Variants in ATF6 observed in about 807,000 individuals in gnomAD.
ATF6 encodes the protein cyclic AMP-dependent transcription factor ATF-6 alpha.
Under a neutral mutation model 83.6 loss-of-function variants are expected in ATF6, and 53 were observed. The observed-to-expected ratio is 0.63, with a 90% CI of 0.51 to 0.80. The LOEUF (loss-of-function observed/expected upper bound fraction) is 0.80, where lower values mean the gene tolerates loss of function less well. ATF6 is among the 30% of genes least tolerant of loss of function. The pLI is 0.00. For synonymous variants in ATF6, 288 were observed against 285.8 expected, an observed-to-expected ratio of 1.01 and a Z score of -0.08; for missense variants, 744 against 797.9, an observed-to-expected ratio of 0.93 and a Z score of 0.81.
In ATF6 at chr1:161,959,194, A is replaced by G. The variant is rs1689029236; in HGVS notation, c.*540A>G. On this transcript the variant is annotated 3_prime_UTR_variant, in exon 16 of 16. Transcript: ENST00000367942. ...CAGAAAAGCCAAAAACACTCCAAAA[A>G]CAAGCAAAACAATTTGGAGCTTTAG... The G allele has an allele frequency of 6.6e-6, 1 of 152,326 alleles. No individual in the cohort carries two copies. The highest frequency in any genetic ancestry group is 1.5e-5 in the Non-Finnish European group (1 of 68,056). The allele number at this position is 152,326 out of a possible 1,614,324, so 9.4% of individuals were successfully genotyped here.
chr1:161,963,296 G>A lies in ATF6; in HGVS notation c.*4642G>A, dbSNP rs1689139773. 6.6e-6 allele frequency: 1 copy of A among 152,206 alleles called. No homozygotes were observed. The highest frequency in any genetic ancestry group is 6.5e-5 in the Admixed American group (1 of 15,284). 9.4% of individuals were successfully genotyped at this position (152,206 alleles called of 1,614,324 possible). On this transcript the variant is annotated 3_prime_UTR_variant, in exon 16 of 16. Coordinates refer to ENST00000367942, the MANE Select transcript of ATF6 (RefSeq NM_007348.4). ...AATATGTGTGTTATTAGATGCAATA[G>A]AATTTATGAAAAGAAGAATGACAAA...
intron 12 of ATF6, among the ~76,000 whole-genome samples, chr1:161,858,343 TA>T (rs1356272106): frequency 6.6e-6 from 1 of 152,066 alleles, no homozygotes; most frequent in Non-Finnish European, 1.5e-5. Flanking sequence ...TAGATTTTTT[TA>T]AAAAGGAAAG....
intron 15 of ATF6, among the ~76,000 whole-genome samples, chr1:161,956,145 G>T (rs184222182): frequency 6.6e-6 from 1 of 152,268 alleles, no homozygotes; most frequent in East Asian, 1.9e-4. Context: ...GGTGGTTTGG[G>T]CTGTATTAGA....
At chr1:161,945,601 C>T (rs1283896005) in intron 15 of ATF6, among the ~76,000 whole-genome samples, 1 of 152,182 alleles carries the variant, frequency 6.6e-6, no homozygotes, top group Non-Finnish European at 1.5e-5. Context: ...TCTTTTTCAA[C>T]AAAACTACAA....
At chr1:161,863,787 CTCT>C (rs1274585940) in intron 14 of ATF6, among the ~76,000 whole-genome samples, 2 of 152,118 alleles carry the variant, frequency 1.3e-5, no homozygotes, top group African/African-American at 4.8e-5. Flanking sequence ...CCTCTTTTAT[CTCT>C]TCTTAATTAA....
At chr1:161,817,201 A>G (rs1685632985) in intron 7 of ATF6, among the ~76,000 whole-genome samples, 1 of 152,222 alleles carries the variant, frequency 6.6e-6, no homozygotes, top group Admixed American at 6.5e-5. Flanking sequence ...CCTTGTTTGA[A>G]ATTTATTAAA....
intron 14 of ATF6, among the ~76,000 whole-genome samples, chr1:161,894,851 A>C (rs1238028896): frequency 6.6e-6 from 1 of 150,746 alleles, no homozygotes; most frequent in African/African-American, 2.4e-5. Flanking sequence ...TGCCTGTCCT[A>C]TTTTGTAGTC....
At chr1:161,792,709 T>G (rs1315027981) in intron 6 of ATF6, among the ~76,000 whole-genome samples, 1 of 152,180 alleles carries the variant, frequency 6.6e-6, no homozygotes, top group Non-Finnish European at 1.5e-5. Flanking sequence ...ATTTCAGGTG[T>G]GTTATAGCAA....
At chr1:161,820,472 G>C (rs1388793646) in intron 8 of ATF6, among the ~76,000 whole-genome samples, 2 of 152,190 alleles carry the variant, frequency 1.3e-5, no homozygotes, top group Admixed American at 1.3e-4. Flanking sequence ...TTGAATTCTG[G>C]TCGGGCGTGG....
intron 14 of ATF6, among the ~76,000 whole-genome samples, chr1:161,887,809 G>A (rs568589930): frequency 6.6e-6 from 1 of 152,258 alleles, no homozygotes; most frequent in South Asian, 2.1e-4. Context: ...AAGAAGAGTG[G>A]TGTGTCAGTT....
At chr1:161,890,133 A>G (rs1409753806) in intron 14 of ATF6, among the ~76,000 whole-genome samples, 1 of 152,264 alleles carries the variant, frequency 6.6e-6, no homozygotes, top group East Asian at 1.9e-4. Context: ...ATTCACCTCC[A>G]TAACCACAAT....
chr1:161,920,292 C>T (rs1305242774), intron 15 of ATF6, among the ~76,000 whole-genome samples: 41 of 19,788 alleles, frequency 2.1e-3, no homozygotes, highest in African/African-American at 3.8e-3. Flanking sequence ...CTCTCTCTCT[C>T]TCTTTTTTTT....
In ATF6 at chr1:161,963,008, A is replaced by C. The variant is rs1342119631; in HGVS notation, c.*4354A>C. ...TGAAATATAAGAAATGTTCGTTCCC[A>C]CCCCTAATAACATTTGGAAGTGAAT... On this transcript the variant is annotated 3_prime_UTR_variant, in exon 16 of 16. Coordinates refer to ENST00000367942, the MANE Select transcript of ATF6 (RefSeq NM_007348.4). 6.6e-6 allele frequency: 1 copy of C among 152,274 alleles called. No individual in the cohort carries two copies. Among genetic ancestry groups the C allele is most frequent in the Non-Finnish European group, 1.5e-5 (1 of 68,012 alleles). 9.4% of individuals were successfully genotyped at this position (152,274 alleles called of 1,614,324 possible). A position where few individuals can be genotyped will look rare whatever the true frequency, so the allele number is the denominator to read the frequency against.
At chr1:161,878,046 G>A (rs559268533) in intron 14 of ATF6, among the ~76,000 whole-genome samples, 1 of 152,242 alleles carries the variant, frequency 6.6e-6, no homozygotes, top group African/African-American at 2.4e-5. Flanking sequence ...AATTGGCTCT[G>A]TGAATCTGGG....
At chr1:161,925,630 T>TCCC (rs768293393) in intron 15 of ATF6, among the ~76,000 whole-genome samples, 3 of 152,220 alleles carry the variant, frequency 2.0e-5, no homozygotes, top group Non-Finnish European at 2.9e-5. Context: ...ATTGGAGGCT[T>TCCC]CTTAAGGTTA....
At chr1:161,875,901 T>C (rs149747648) in intron 14 of ATF6, among the ~76,000 whole-genome samples, 2 of 151,938 alleles carry the variant, frequency 1.3e-5, no homozygotes, top group Non-Finnish European at 2.9e-5. Context: ...TTAATAACTT[T>C]TATTGCTTCA....
chr1:161,833,457 G>A (rs1480923989), intron 9 of ATF6, among the ~76,000 whole-genome samples: 5 of 152,092 alleles, frequency 3.3e-5, no homozygotes, highest in African/African-American at 7.2e-5. Context: ...AAACTACTCC[G>A]AGCTAAAGGA....
intron 15 of ATF6, among the ~76,000 whole-genome samples, chr1:161,942,661 T>C (rs1336883305): frequency 6.6e-6 from 1 of 152,224 alleles, no homozygotes; most frequent in Non-Finnish European, 1.5e-5. Context: ...ACTTTGGAAA[T>C]ATCAGTGATT....
intron 3 of ATF6, among the ~76,000 whole-genome samples, chr1:161,782,694 A>G (rs531677712): frequency 1.3e-5 from 2 of 152,236 alleles, no homozygotes; most frequent in East Asian, 3.8e-4. Context: ...CTACCTCTGC[A>G]CTACCTATTC....
Sources: allele counts gnomAD v4.1 joint callset (sites outside exome capture counted in the v4.1 genomes callset), GRCh38; gene constraint gnomAD v4.1.1; transcripts MANE v1.5; gene names NCBI Gene and HGNC (gene_info 2026-07-23, HGNC 2026-07-21).